The following TESK2 variants were observed in gnomAD, a reference collection of about 807,000 sequenced individuals.
TESK2 encodes dual specificity testis-specific protein kinase 2.
A neutral mutation model predicts 57.1 loss-of-function variants in TESK2; 39 were observed. That is an observed-to-expected ratio of 0.68 (90% confidence interval 0.53 to 0.89). The LOEUF is 0.89. TESK2 is among the 40% of genes least tolerant of loss of function. TESK2 has a pLI of 0.00. For synonymous variants in TESK2, 249 were observed against 267.9 expected, an observed-to-expected ratio of 0.93 and a Z score of 0.69; for missense variants, 646 against 732.1, an observed-to-expected ratio of 0.88 and a Z score of 1.36.
Position 45,356,206 on chromosome 1 carries a change from TA to T in TESK2, c.394-758del, listed in dbSNP as rs59524174. 6.8e-4 allele frequency among the ~76,000 whole-genome samples: 98 copies of T among 144,196 alleles called. 1 individual carries two copies. The highest frequency in any genetic ancestry group is 3.0e-3 in the East Asian group (15 of 4,994). 94.6% of individuals were successfully genotyped at this position (144,196 alleles called of 152,430 possible). A position where few individuals can be genotyped will look rare whatever the true frequency, so the allele number is the denominator to read the frequency against. Reference sequence around the variant, plus strand: ...TCAAAATGTATTTAGATGGCAGAATTAAAAAAAAAAAACTTGATAATTGCCT... The same window carrying T: ...TCAAAATGTATTTAGATGGCAGAATTAAAAAAAAAAACTTGATAATTGCCT... On this transcript the variant is annotated intron_variant, in intron 4 of 10. Coordinates refer to ENST00000372086, the MANE Select transcript of TESK2 (RefSeq NM_007170.3).
At chr1:45,438,481 G>A (rs1185372132) in intron 2 of TESK2, among the ~76,000 whole-genome samples, 2 of 152,314 alleles carry the variant, frequency 1.3e-5, no homozygotes, top group East Asian at 3.9e-4. Context: ...CAGCGACAGA[G>A]TAAGACTCTG....
intron 2 of TESK2, among the ~76,000 whole-genome samples, chr1:45,432,647 A>C (rs1401790312): frequency 5.3e-5 from 8 of 150,908 alleles, no homozygotes; most frequent in Admixed American, 1.3e-4. Flanking sequence ...GCCGAGATCA[A>C]GCCACTGCAC....
chr1:45,386,377 T>TAA (rs77826408), intron 3 of TESK2, among the ~76,000 whole-genome samples: 6 of 58,128 alleles, frequency 1.0e-4, no homozygotes, highest in East Asian at 4.4e-4. Flanking sequence ...AGACTGCATC[T>TAA]AAAAAAAAAA....
chr1:45,373,765 G>GA (rs1648297473), intron 4 of TESK2, among the ~76,000 whole-genome samples: 2 of 152,188 alleles, frequency 1.3e-5, no homozygotes, highest in African/African-American at 4.8e-5. Context: ...AGTAAATACA[G>GA]AAAGTGCAGA....
intron 1 of TESK2, among the ~76,000 whole-genome samples, chr1:45,464,439 A>C (rs1035608784): frequency 1.3e-5 from 2 of 150,072 alleles, no homozygotes; most frequent in South Asian, 4.2e-4. Context: ...AAAAAAAAAA[A>C]GTCTTATAGT....
intron 2 of TESK2, among the ~76,000 whole-genome samples, chr1:45,453,518 T>G (rs1469113484): frequency 6.6e-6 from 1 of 152,044 alleles, no homozygotes; most frequent in East Asian, 1.9e-4. Flanking sequence ...GACCCTTACT[T>G]TATACGATAT....
At chr1:45,385,710 G>GTGTATATATATATATATATATATA (rs947905047) in intron 4 of TESK2, among the ~76,000 whole-genome samples, 56 of 135,250 alleles carry the variant, frequency 4.1e-4, no homozygotes, top group African/African-American at 1.6e-3. Flanking sequence ...GTGTGTGTGT[G>GTGTATATATATATATATATATATA]TATATATATA....
rs753719830 is a variant in TESK2, at chr1:45,345,198, C to T, written c.1358G>A (p.Arg453Gln). 9.0e-5 allele frequency: 145 copies of T among 1,614,038 alleles called. 2 individuals carry two copies. Among genetic ancestry groups the T allele is most frequent in the South Asian group, 5.7e-4 (52 of 91,084 alleles). ...AGGCGAACCAGGCAAGGAACGCCAC[C>T]GGCGAATAGGTGGGGCCAGGGGCTC... ...WQEPLAPPIR[R>Q]WRSLPGSPEF... is the part of the protein sequence containing the mutation. Residue 453 changes from arginine to glutamine, a missense_variant, in exon 11 of 11, where the codon CGG becomes CAG. Coordinates refer to ENST00000372086, the MANE Select transcript of TESK2 (RefSeq NM_007170.3).
At chr1:45,401,157 G>T (rs957721723) in intron 3 of TESK2, among the ~76,000 whole-genome samples, 7 of 152,018 alleles carry the variant, frequency 4.6e-5, no homozygotes, top group African/African-American at 1.7e-4. Context: ...AGCACTTTGG[G>T]AGGCCAAGGC....
chr1:45,428,586 TC>T (rs1650795675), intron 2 of TESK2, among the ~76,000 whole-genome samples: 1 of 151,934 alleles, frequency 6.6e-6, no homozygotes, highest in African/African-American at 2.4e-5. Context: ...CACTGCAGCC[TC>T]CCCCTCCTGA....
At chr1:45,436,604 C>G (rs867924389) in intron 2 of TESK2, among the ~76,000 whole-genome samples, 1 of 148,616 alleles carries the variant, frequency 6.7e-6, no homozygotes, top group East Asian at 2.0e-4. Context: ...ATTCTCCTAC[C>G]TCCCCTCCCG....
At chr1:45,354,702 T>G (rs553949650) in intron 5 of TESK2, among the ~76,000 whole-genome samples, 1 of 145,250 alleles carries the variant, frequency 6.9e-6, no homozygotes, top group South Asian at 2.2e-4. Flanking sequence ...GGTAGGAGGA[T>G]TGCTTGAGCC....
At chr1:45,367,100 C>A (rs149545144) in intron 4 of TESK2, among the ~76,000 whole-genome samples, 52 of 151,714 alleles carry the variant, frequency 3.4e-4, no homozygotes, top group African/African-American at 1.1e-3. Flanking sequence ...CAACACTGCA[C>A]CCCAGCCTGG....
intron 4 of TESK2, among the ~76,000 whole-genome samples, chr1:45,385,524 T>C (rs966242415): frequency 6.6e-6 from 1 of 152,150 alleles, no homozygotes; most frequent in Non-Finnish European, 1.5e-5. Context: ...TGCAGTCAAG[T>C]GCTGTCATCC....
At chr1:45,484,353 C>T (rs1653367338) in intron 1 of TESK2, among the ~76,000 whole-genome samples, 2 of 152,006 alleles carry the variant, frequency 1.3e-5, no homozygotes, top group Admixed American at 1.3e-4. Context: ...AGGTGATCCA[C>T]CGGCCTCTGC....
At chr1:45,454,455 T>C (rs928211864) in intron 2 of TESK2, among the ~76,000 whole-genome samples, 2 of 151,986 alleles carry the variant, frequency 1.3e-5, no homozygotes, top group African/African-American at 4.8e-5. Context: ...TATTTTATTT[T>C]TCCCCCAGAG....
At chr1:45,484,325 T>C (rs1653366396) in intron 1 of TESK2, among the ~76,000 whole-genome samples, 1 of 149,608 alleles carries the variant, frequency 6.7e-6, no homozygotes, top group Non-Finnish European at 1.5e-5. Context: ...GCCAGGCTGG[T>C]CTCAAACTCC....
chr1:45,360,234 G>A lies in TESK2; in HGVS notation c.394-4785C>T, dbSNP rs12408413. On this transcript the variant is annotated intron_variant, in intron 4 of 10. Coordinates refer to ENST00000372086, the MANE Select transcript of TESK2 (RefSeq NM_007170.3). Reference sequence around the variant, plus strand: ...CATTTGCTGAAAAGAAACTGAGCTTGTGAACTTCAGGGTTATAAGTGGGCA... The same window carrying A: ...CATTTGCTGAAAAGAAACTGAGCTTATGAACTTCAGGGTTATAAGTGGGCA... Among the ~76,000 whole-genome samples, 467 of 152,280 alleles carry A rather than the reference G, an allele frequency of 3.1e-3. 11 individuals carry two copies. Among genetic ancestry groups the A allele is most frequent in the Admixed American group, 0.028 (435 of 15,300 alleles).
chr1:45,345,572 A>C lies in TESK2; in HGVS notation c.998-14T>G. 1 of 1,603,454 alleles carries C rather than the reference A, an allele frequency of 6.2e-7. No homozygotes were observed. The highest frequency in any genetic ancestry group is 8.5e-7 in the Non-Finnish European group (1 of 1,172,692). The stretch of plus-strand genomic sequence containing the variant: ...TCTCCAAGAGTCCTGAAGAATAATC[A>C]AGTCTGGGTTACTCTCACTAGTCAT... On this transcript the variant is annotated splice_polypyrimidine_tract_variant and intron_variant, in intron 10 of 10. Coordinates refer to ENST00000372086, the MANE Select transcript of TESK2 (RefSeq NM_007170.3).
Sources: gnomAD v4.1 joint callset for allele counts (sites outside exome capture counted in the v4.1 genomes callset) on GRCh38, gnomAD v4.1.1 for gene constraint, MANE v1.5 for transcripts, NCBI Gene and HGNC (gene_info 2026-07-23, HGNC 2026-07-21) for gene names.